EHBP1: variants seen among roughly 807,000 people sequenced by gnomAD.
EHBP1 encodes EH domain binding protein 1.
EHBP1 carries 55 observed loss-of-function variants against 144.0 expected under a neutral mutation model. The ratio of observed to expected loss-of-function variants is 0.38; its 90% CI spans 0.31 to 0.48. The LOEUF (loss-of-function observed/expected upper bound fraction) is 0.48. EHBP1 is among the 20% of genes least tolerant of loss of function. EHBP1 has a pLI of 0.98. For missense variants in EHBP1, 1,200 were observed against 1,364.2 expected (o/e 0.88, Z 1.90); for synonymous variants, 469 against 472.7 (o/e 0.99, Z 0.10).
intron 10 of EHBP1, among the ~76,000 whole-genome samples, chr2:62,941,495 G>A (rs998906957): frequency 2.0e-5 from 3 of 151,982 alleles, no homozygotes; most frequent in Non-Finnish European, 4.4e-5. Flanking sequence ...TTGTTAATCC[G>A]ACTGTTAATA....
intron 7 of EHBP1, among the ~76,000 whole-genome samples, chr2:62,837,629 A>C (rs1198824864): frequency 6.7e-6 from 1 of 148,164 alleles, no homozygotes; most frequent in Non-Finnish European, 1.5e-5. Context: ...GGCTCAAAAT[A>C]AAAGGATGGA....
At chr2:63,030,639 C>T (rs1460955578) in intron 19 of EHBP1, among the ~76,000 whole-genome samples, 3 of 151,884 alleles carry the variant, frequency 2.0e-5, no homozygotes, top group Non-Finnish European at 2.9e-5. Flanking sequence ...AGGCGCCCAC[C>T]ACCACACCCA....
At chr2:62,722,243 T>G (rs2036302527) in intron 2 of EHBP1, among the ~76,000 whole-genome samples, 1 of 152,082 alleles carries the variant, frequency 6.6e-6, no homozygotes, top group Non-Finnish European at 1.5e-5. Context: ...GCGATTCTCC[T>G]GCCTCGGCCT....
At chr2:62,792,543 C>T (rs538762514) in intron 5 of EHBP1, among the ~76,000 whole-genome samples, 7 of 152,008 alleles carry the variant, frequency 4.6e-5, no homozygotes, top group African/African-American at 9.7e-5. Context: ...GTTTGATAAA[C>T]GAACTCATCA....
At chr2:62,773,910 A>AACATCCAT (rs1048583534) in intron 5 of EHBP1, among the ~76,000 whole-genome samples, 5 of 148,648 alleles carry the variant, frequency 3.4e-5, no homozygotes, top group African/African-American at 1.2e-4. Flanking sequence ...TAACGTGAGT[A>AACATCCAT]ACATCCATCA....
intron 21 of EHBP1, among the ~76,000 whole-genome samples, chr2:63,041,543 T>C (rs1374247248): frequency 1.3e-5 from 2 of 152,218 alleles, no homozygotes; most frequent in African/African-American, 2.4e-5. Flanking sequence ...TTTGTAGTTA[T>C]GGTTTATATG....
In EHBP1 at chr2:62,993,659, A is replaced by T; in HGVS notation, c.2863A>T (p.Asn955Tyr). The change falls in exon 17 of 23, where the codon AAT becomes TAT. Residue 955 changes from asparagine to tyrosine, a missense_variant. Coordinates refer to ENST00000431489, the MANE Select transcript of EHBP1 (RefSeq NM_001142616.3). ...QLQSFSQYIE[N>Y]RPEMKRQRSI... is the part of the protein sequence containing the mutation. ...TCAGTCTTTCAGCCAATATATTGAG[A>T]ATAGACCAGGTAGAACACTTTTTAA... 6.3e-7 allele frequency: 1 copy of T among 1,595,374 alleles called. No homozygotes were observed.
intron 10 of EHBP1, among the ~76,000 whole-genome samples, chr2:62,879,748 C>T (rs751471573): frequency 1.1e-4 from 16 of 151,576 alleles, no homozygotes; most frequent in South Asian, 8.3e-4. Flanking sequence ...GCTCATGGAT[C>T]GGAAAAATCA....
rs180759711 is a variant in EHBP1, at chr2:62,791,844, A to G, written c.312+20452A>G. ...TACTGCCCAAATGTTATTTAGTAAT[A>G]TTTATAATGGTAGTTTAGATATCTA... On this transcript the variant is annotated intron_variant, in intron 5 of 22. Coordinates refer to ENST00000431489, the MANE Select transcript of EHBP1 (RefSeq NM_001142616.3). Among the ~76,000 whole-genome samples, 3 of 152,132 alleles carry G rather than the reference A, an allele frequency of 2.0e-5. No individual in the cohort carries two copies. In the East Asian group the frequency reaches 5.8e-4, roughly 29 times the overall value.
chr2:62,714,916 A>T (rs1199706093), intron 2 of EHBP1, among the ~76,000 whole-genome samples: 1 of 152,160 alleles, frequency 6.6e-6, no homozygotes, highest in African/African-American at 2.4e-5. Flanking sequence ...GGAACTACAT[A>T]TTTTTGCTTC....
intron 5 of EHBP1, among the ~76,000 whole-genome samples, chr2:62,797,518 G>A (rs13030015): frequency 0.15 from 22,213 of 152,174 alleles, 2,053 homozygotes; most frequent in Middle Eastern, 0.35. Flanking sequence ...CTTTGCTACT[G>A]TGTTAATGAA....
chr2:62,980,191 G>A (rs2058901004), intron 15 of EHBP1, among the ~76,000 whole-genome samples: 1 of 152,164 alleles, frequency 6.6e-6, no homozygotes, highest in East Asian at 1.9e-4. Context: ...CACGGACCAG[G>A]AGGGTAAGGA....
At chr2:62,778,964 C>T (rs2042236693) in intron 5 of EHBP1, among the ~76,000 whole-genome samples, 1 of 152,110 alleles carries the variant, frequency 6.6e-6, no homozygotes, top group Non-Finnish European at 1.5e-5. Flanking sequence ...GCACTTTCTC[C>T]TGTAGCTCCA....
At position 62,921,925 on chromosome 2, in the gene EHBP1, C is replaced by G. The variant is rs552756776; in HGVS notation, c.1186-20793C>G. Among the ~76,000 whole-genome samples the G allele has an allele frequency of 4.5e-4, 68 of 152,300 alleles. No homozygotes were observed. In the South Asian group the frequency reaches 0.014, roughly 32 times the overall value. ...GGCGTGGTGGCTCACGCCTGTAATG[C>G]CAGCACTTCGGGAGGCTGAGACAGG... On this transcript the variant is annotated intron_variant, in intron 10 of 22. Coordinates refer to ENST00000431489, the MANE Select transcript of EHBP1 (RefSeq NM_001142616.3).
At chr2:62,812,012 G>C (rs945359148) in intron 5 of EHBP1, among the ~76,000 whole-genome samples, 2 of 152,116 alleles carry the variant, frequency 1.3e-5, no homozygotes, top group African/African-American at 4.8e-5. Flanking sequence ...CTCACAAATG[G>C]ATTAATATTA....
intron 10 of EHBP1, among the ~76,000 whole-genome samples, chr2:62,901,005 C>G (rs1431602398): frequency 6.6e-6 from 1 of 152,074 alleles, no homozygotes; most frequent in Non-Finnish European, 1.5e-5. Flanking sequence ...TACTGTGAAG[C>G]TCATTTAAAG....
At chr2:62,905,464 A>G (rs1482505417) in intron 10 of EHBP1, among the ~76,000 whole-genome samples, 1 of 152,190 alleles carries the variant, frequency 6.6e-6, no homozygotes, top group African/African-American at 2.4e-5. Flanking sequence ...ATGTTATTCC[A>G]AGGATGCCAG....
At chr2:62,958,465 TATAATTAC>T (rs1316671912) in intron 14 of EHBP1, among the ~76,000 whole-genome samples, 1 of 152,184 alleles carries the variant, frequency 6.6e-6, no homozygotes, top group Non-Finnish European at 1.5e-5. Context: ...AGAGGACATG[TATAATTAC>T]ATTCACATGA....
At chr2:63,018,108 T>G (rs1244482985) in intron 19 of EHBP1, among the ~76,000 whole-genome samples, 1 of 152,170 alleles carries the variant, frequency 6.6e-6, no homozygotes, top group Non-Finnish European at 1.5e-5. Context: ...GCAGCTACAG[T>G]GAGCTATGAT....
Sources: allele counts gnomAD v4.1 joint callset (sites outside exome capture counted in the v4.1 genomes callset), GRCh38; gene constraint gnomAD v4.1.1; transcripts MANE v1.5; gene names NCBI Gene and HGNC (gene_info 2026-07-23, HGNC 2026-07-21).